Variants in FHL2 observed in about 807,000 individuals in gnomAD.
FHL2 encodes four and a half LIM domains 2.
Under a neutral mutation model 32.7 loss-of-function variants are expected in FHL2, and 20 were observed. The ratio of observed to expected loss-of-function variants is 0.61; its 90% CI spans 0.43 to 0.89. The LOEUF is 0.89. FHL2 is among the 40% of genes least tolerant of loss of function. The pLI is 0.00. For synonymous variants in FHL2, 123 were observed against 128.1 expected (o/e 0.96, Z 0.27); for missense variants, 311 against 358.6 (o/e 0.87, Z 1.07).
chr2:105,391,293 T>C lies in FHL2; in HGVS notation c.-24-4753A>G, dbSNP rs139772118. Among the ~76,000 whole-genome samples the C allele has an allele frequency of 1.8e-4, 27 of 152,234 alleles. 1 individual carries two copies. In the East Asian group the frequency reaches 5.2e-3, roughly 29 times the overall value. On this transcript the variant is annotated intron_variant, in intron 2 of 6. Transcript: ENST00000530340. ...TGTTATCTAGTGAGGAAAAGAGATATATACCAAACAGACTACCAAGCCCCT... is the reference window on the plus strand; with the variant it reads ...TGTTATCTAGTGAGGAAAAGAGATACATACCAAACAGACTACCAAGCCCCT...
At chr2:105,415,446 G>T (rs999294777) in intron 1 of FHL2, among the ~76,000 whole-genome samples, 1 of 152,182 alleles carries the variant, frequency 6.6e-6, no homozygotes, top group East Asian at 1.9e-4. Context: ...ATTTTGCACC[G>T]TGTGCATTGA....
intron 2 of FHL2, among the ~76,000 whole-genome samples, chr2:105,391,644 C>A (rs1682741569): frequency 6.6e-6 from 1 of 152,102 alleles, no homozygotes; most frequent in Admixed American, 6.5e-5. Context: ...TGGAAGCCTG[C>A]CTTTACTATG....
chr2:105,399,885 C>T (rs904611976), upstream of FHL2, among the ~76,000 whole-genome samples: 7 of 152,180 alleles, frequency 4.6e-5, no homozygotes, highest in Non-Finnish European at 8.8e-5. Context: ...ACCACAAAGG[C>T]GTCCTCGGCA....
chr2:105,380,536 C>G (rs1681815303), intron 3 of FHL2, among the ~76,000 whole-genome samples: 1 of 152,168 alleles, frequency 6.6e-6, no homozygotes, highest in African/African-American at 2.4e-5. Context: ...GCTCAAGTGA[C>G]TCTTTCCAAA....
intron 1 of FHL2, among the ~76,000 whole-genome samples, chr2:105,414,449 C>T (rs1012072199): frequency 3.1e-4 from 47 of 152,172 alleles, no homozygotes; most frequent in South Asian, 8.3e-4. Context: ...GACCAACCCC[C>T]ATCCTGAAGC....
chr2:105,384,962 G>T (rs1682191944), intron 3 of FHL2, among the ~76,000 whole-genome samples: 1 of 152,352 alleles, frequency 6.6e-6, no homozygotes, highest in South Asian at 2.1e-4. Flanking sequence ...CATGAAAAGG[G>T]ACAGAGAAAA....
At chr2:105,424,608 C>T (rs554808145) in intron 1 of FHL2, among the ~76,000 whole-genome samples, 52 of 152,246 alleles carry the variant, frequency 3.4e-4, no homozygotes, top group African/African-American at 1.2e-3. Context: ...TTCACAATAG[C>T]AAAGACTTGG....
chr2:105,428,421 C>G (rs1286542432), intron 1 of FHL2, among the ~76,000 whole-genome samples: 1 of 152,236 alleles, frequency 6.6e-6, no homozygotes, highest in Non-Finnish European at 1.5e-5. Context: ...TTCTCATGTC[C>G]TGTTGACTTG....
intron 3 of FHL2, among the ~76,000 whole-genome samples, chr2:105,383,358 C>T (rs965221395): frequency 2.0e-5 from 3 of 152,234 alleles, no homozygotes; most frequent in African/African-American, 7.2e-5. Flanking sequence ...ATTGTCTATT[C>T]TCCACTATTA....
intron 3 of FHL2, chr2:105,385,958 G>A (rs1015453984): frequency 3.0e-6 from 1 of 335,042 alleles, no homozygotes; most frequent in Non-Finnish European, 5.4e-6. Context: ...GTTCTCTCAT[G>A]TACACATTCA....
chr2:105,362,410 GC>G (rs1186058976), intron 6 of FHL2, among the ~76,000 whole-genome samples: 1 of 152,186 alleles, frequency 6.6e-6, no homozygotes, highest in African/African-American at 2.4e-5. Flanking sequence ...TTGGTTCTAG[GC>G]CTAAGGGAAA....
chr2:105,394,933 T>A (rs1360555150), intron 2 of FHL2, among the ~76,000 whole-genome samples: 1 of 152,240 alleles, frequency 6.6e-6, no homozygotes, highest in East Asian at 1.9e-4. Flanking sequence ...TTTTGAATAT[T>A]GAATACTAAA....
intron 3 of FHL2, among the ~76,000 whole-genome samples, chr2:105,379,890 C>T (rs1476224032): frequency 6.6e-6 from 1 of 152,196 alleles, no homozygotes; most frequent in Non-Finnish European, 1.5e-5. Flanking sequence ...TGTGCCACGC[C>T]GGCGACCTAG....
At chr2:105,370,740 G>A (rs1018235012) in intron 4 of FHL2, among the ~76,000 whole-genome samples, 4 of 152,142 alleles carry the variant, frequency 2.6e-5, no homozygotes, top group Non-Finnish European at 4.4e-5. Context: ...GTGTTTTGTC[G>A]GTGCTGGTTT....
chr2:105,401,180 A>G (rs1390333127), upstream of FHL2, among the ~76,000 whole-genome samples: 1 of 151,078 alleles, frequency 6.6e-6, no homozygotes, highest in African/African-American at 2.4e-5. Flanking sequence ...ATTTTCTAGT[A>G]TTAATGAACA....
chr2:105,417,001 A>G (rs992866398), intron 1 of FHL2, among the ~76,000 whole-genome samples: 3 of 152,228 alleles, frequency 2.0e-5, no homozygotes, highest in Non-Finnish European at 4.4e-5. Context: ...GCCACTGCAC[A>G]ACTTCCTTTC....
downstream of FHL2, chr2:105,359,458 C>G (rs1680134291): frequency 6.6e-6 from 1 of 152,182 alleles, no homozygotes. Context: ...AAACTGATTT[C>G]ACATATGCTC....
At chr2:105,426,704 A>G (rs896348090) in intron 1 of FHL2, among the ~76,000 whole-genome samples, 29 of 152,184 alleles carry the variant, frequency 1.9e-4, no homozygotes, top group African/African-American at 6.8e-4. Context: ...GATATTTTCC[A>G]CTTATGTTGT....
intron 3 of FHL2, among the ~76,000 whole-genome samples, chr2:105,377,180 CT>C (rs1681531334): frequency 1.3e-5 from 2 of 152,152 alleles, no homozygotes; most frequent in Admixed American, 6.5e-5. Context: ...CGTAAATGGG[CT>C]TGATGGGGGT....
Sources: allele counts gnomAD v4.1 joint callset (sites outside exome capture counted in the v4.1 genomes callset), GRCh38; gene constraint gnomAD v4.1.1; transcripts MANE v1.5; gene names NCBI Gene and HGNC (gene_info 2026-07-23, HGNC 2026-07-21).